The following RTL4 variants were observed in gnomAD, a reference collection of about 807,000 sequenced individuals.
RTL4 encodes the protein retrotransposon Gag like 4, also known as retrotransposon Gag-like protein 4.
A neutral mutation model predicts 5.3 loss-of-function variants in RTL4; 4 were observed. That is an observed-to-expected ratio of 0.75 (90% CI 0.37 to 1.72). The LOEUF (loss-of-function observed/expected upper bound fraction) is 1.72, where lower values mean the gene tolerates loss of function less well. Ranked by LOEUF, RTL4 falls within the 40% of genes most tolerant of loss-of-function variation. The probability of loss-of-function intolerance (pLI) is 0.04; values close to 1 mark genes in which losing one functional copy is unlikely to be tolerated. For synonymous variants in RTL4, 98 were observed against 87.3 expected, an observed-to-expected ratio of 1.12 and a Z score of -0.68; for missense variants, 260 against 227.1, an observed-to-expected ratio of 1.14 and a Z score of -0.93.
At chrX:112,409,232 C>A in the RTL4 span, among the ~76,000 whole-genome samples, 6 of 111,733 alleles carry the variant, frequency 5.4e-5, no homozygotes, top group African/African-American at 2.0e-4. Flanking sequence ...ATAAGCCATA[C>A]AATAAAAACA....
At chrX:112,128,416 C>A in the RTL4 span, among the ~76,000 whole-genome samples, 2 of 111,372 alleles carry the variant, frequency 1.8e-5, no homozygotes, top group Admixed American at 9.5e-5. Context: ...CTAATCCTGG[C>A]ACTTTGGGAG....
chrX:112,151,424 T>G, the RTL4 span, among the ~76,000 whole-genome samples: 1 of 111,928 alleles, frequency 8.9e-6, no homozygotes, highest in African/African-American at 3.2e-5. Context: ...TCTCCCCAAC[T>G]CCATCCCACA....
At chrX:112,431,023 T>TA in the RTL4 span, among the ~76,000 whole-genome samples, 1 of 112,215 alleles carries the variant, frequency 8.9e-6, no homozygotes, top group East Asian at 2.8e-4. Context: ...CATAGTCCTA[T>TA]GATTAGGTAT....
At chrX:112,110,834 C>A in the RTL4 span, among the ~76,000 whole-genome samples, 2 of 111,699 alleles carry the variant, frequency 1.8e-5, no homozygotes, top group African/African-American at 3.3e-5. Context: ...CCTTAATCAC[C>A]CAGGAGGAAC....
the RTL4 span, among the ~76,000 whole-genome samples, chrX:112,194,740 A>AATCAT: frequency 8.9e-6 from 1 of 112,105 alleles, no homozygotes; most frequent in Non-Finnish European, 1.9e-5. Flanking sequence ...ATGCTAATTA[A>AATCAT]ATCATAACAA....
chrX:112,153,859 G>A, the RTL4 span, among the ~76,000 whole-genome samples: 2 of 111,130 alleles, frequency 1.8e-5, no homozygotes, highest in African/African-American at 6.5e-5. Context: ...TTTTAGATGT[G>A]TGAAGTTAAG....
the RTL4 span, among the ~76,000 whole-genome samples, chrX:112,304,639 C>CTTT: frequency 1.0e-4 from 5 of 48,357 alleles, no homozygotes; most frequent in Admixed American, 3.1e-4. Context: ...TTTCCCACAT[C>CTTT]TTTTTTTTTT....
chrX:112,319,482 C>A, the RTL4 span, among the ~76,000 whole-genome samples: 1 of 111,798 alleles, frequency 8.9e-6, no homozygotes, highest in Non-Finnish European at 1.9e-5. Context: ...ATTTTTATAT[C>A]TTTATTTTTA....
At chrX:112,154,363 C>G in the RTL4 span, among the ~76,000 whole-genome samples, 1 of 111,919 alleles carries the variant, frequency 8.9e-6, no homozygotes, top group South Asian at 3.7e-4. Context: ...TTCTACTGAT[C>G]GCTTCTTTCA....
chrX:112,149,216 C>G, the RTL4 span, among the ~76,000 whole-genome samples: 1 of 111,289 alleles, frequency 9.0e-6, no homozygotes. Context: ...TTTCGAGGCA[C>G]TAGGGATAGA....
the RTL4 span, among the ~76,000 whole-genome samples, chrX:112,231,982 A>C: frequency 8.9e-6 from 1 of 111,969 alleles, no homozygotes; most frequent in Non-Finnish European, 1.9e-5. Flanking sequence ...ATGATCATTA[A>C]ATGGGGATAA....
the RTL4 span, among the ~76,000 whole-genome samples, chrX:112,314,685 T>G: frequency 9.1e-6 from 1 of 110,342 alleles, no homozygotes; most frequent in Non-Finnish European, 1.9e-5. Context: ...TTGGAGCCTT[T>G]CAGATTGTTC....
the RTL4 span, among the ~76,000 whole-genome samples, chrX:112,312,449 A>G: frequency 8.9e-6 from 1 of 111,787 alleles, no homozygotes; most frequent in Non-Finnish European, 1.9e-5. Context: ...AAAATATCTC[A>G]GGACTCCTGG....
At chrX:112,266,780 T>G in the RTL4 span, among the ~76,000 whole-genome samples, 30 of 111,586 alleles carry the variant, frequency 2.7e-4, no homozygotes, top group Admixed American at 1.9e-3. Context: ...GTTTCCTAAC[T>G]GAGATGTCAT....
the RTL4 span, among the ~76,000 whole-genome samples, chrX:112,330,704 T>C: frequency 2.7e-5 from 3 of 111,277 alleles, no homozygotes; most frequent in Non-Finnish European, 3.8e-5. Flanking sequence ...GCCAAGTCAA[T>C]CTTAAGCCAA....
chrX:112,236,504 T>C, the RTL4 span, among the ~76,000 whole-genome samples: 1 of 83,808 alleles, frequency 1.2e-5, no homozygotes, highest in African/African-American at 4.4e-5. Flanking sequence ...TATATAGATA[T>C]AGATATATAT....
the RTL4 span, among the ~76,000 whole-genome samples, chrX:112,187,460 A>G: frequency 1.8e-5 from 2 of 111,499 alleles, no homozygotes; most frequent in South Asian, 7.7e-4. Context: ...AGCTGGGGGC[A>G]CCGTGGTACA....
At chrX:112,138,355 G>C in the RTL4 span, among the ~76,000 whole-genome samples, 3 of 111,625 alleles carry the variant, frequency 2.7e-5, no homozygotes, top group Non-Finnish European at 5.7e-5. Flanking sequence ...TAGCAATACT[G>C]TTTTACACAC....
the RTL4 span, among the ~76,000 whole-genome samples, chrX:112,325,836 A>G: frequency 8.9e-6 from 1 of 112,425 alleles, no homozygotes; most frequent in African/African-American, 3.2e-5. Context: ...CTGTACAGCA[A>G]AAGAAACTAC....
Sources: gnomAD v4.1 joint callset for allele counts (sites outside exome capture counted in the v4.1 genomes callset) on GRCh38, gnomAD v4.1.1 for gene constraint, MANE v1.5 for transcripts, NCBI Gene and HGNC (gene_info 2026-07-23, HGNC 2026-07-21) for gene names.